The following MAGI2 variants were observed in gnomAD, a reference collection of about 807,000 sequenced individuals.
The protein encoded by MAGI2 is membrane-associated guanylate kinase, WW and PDZ domain-containing protein 2.
A neutral mutation model predicts 133.3 loss-of-function variants in MAGI2; 35 were observed. The ratio of observed to expected loss-of-function variants is 0.26; its 90% CI spans 0.20 to 0.35. The LOEUF is 0.35. Ranked by LOEUF, MAGI2 falls within the 10% of genes least tolerant of loss-of-function variation. The probability of loss-of-function intolerance (pLI) is 1.00; values close to 1 mark genes in which losing one functional copy is unlikely to be tolerated. For missense variants in MAGI2, 1,636 were observed against 1,863.4 expected (o/e 0.88, Z 2.25); for synonymous variants, 729 against 710.6 (o/e 1.03, Z -0.41).
chr7:78,900,790 T>C (rs1797565322), intron 2 of MAGI2, among the ~76,000 whole-genome samples: 1 of 152,134 alleles, frequency 6.6e-6, no homozygotes, highest in Non-Finnish European at 1.5e-5. Context: ...GAAACCTTAG[T>C]TCTTTTGCTT....
At chr7:79,438,757 A>T (rs1848309562) in intron 1 of MAGI2, among the ~76,000 whole-genome samples, 1 of 152,060 alleles carries the variant, frequency 6.6e-6, no homozygotes, top group Admixed American at 6.6e-5. Flanking sequence ...CCCAGTACTC[A>T]TGCCAAAACT....
intron 2 of MAGI2, among the ~76,000 whole-genome samples, chr7:78,823,580 CAAAAA>C (rs1166858938): frequency 1.1e-5 from 1 of 91,858 alleles, no homozygotes. Flanking sequence ...GACTCCGTCT[CAAAAA>C]AAAAAAAAAA....
In MAGI2 at chr7:78,489,659, G is replaced by A. The variant is rs548764653; in HGVS notation, c.1045+102C>T. ...CATTAAACATTACATCGTTAAAATT[G>A]TTTCAGCTAGATTATTGCCTCTTCA... On this transcript the variant is annotated intron_variant, in intron 6 of 21. Coordinates refer to ENST00000354212, the MANE Select transcript of MAGI2 (RefSeq NM_012301.4). 8 of 841,316 alleles carry A rather than the reference G, an allele frequency of 9.5e-6. No homozygotes were observed. In the African/African-American group the frequency reaches 1.4e-4, roughly 14 times the overall value. 52.1% of individuals were successfully genotyped at this position (841,316 alleles called of 1,614,324 possible).
At chr7:79,333,316 C>T (rs747614616) in intron 1 of MAGI2, among the ~76,000 whole-genome samples, 2 of 151,954 alleles carry the variant, frequency 1.3e-5, no homozygotes, top group African/African-American at 4.8e-5. Flanking sequence ...TTAGTACAGA[C>T]AGGGTTTCAC....
At chr7:78,447,698 T>G (rs1265364616) in intron 6 of MAGI2, among the ~76,000 whole-genome samples, 1 of 152,160 alleles carries the variant, frequency 6.6e-6, no homozygotes, top group Non-Finnish European at 1.5e-5. Flanking sequence ...GAGGAAGAAT[T>G]AGCCAAGGAC....
At chr7:78,187,495 C>CA (rs947884097) in intron 12 of MAGI2, among the ~76,000 whole-genome samples, 9 of 151,544 alleles carry the variant, frequency 5.9e-5, no homozygotes, top group Non-Finnish European at 7.4e-5. Context: ...CACATAATAC[C>CA]AAAAAAATGA....
chr7:79,330,376 T>C (rs1299148532), intron 1 of MAGI2, among the ~76,000 whole-genome samples: 2 of 151,616 alleles, frequency 1.3e-5, no homozygotes, highest in East Asian at 3.9e-4. Context: ...TTTGTATTTT[T>C]AGTAGAGACG....
rs142807871 is a variant in MAGI2, at chr7:78,587,734, G to A, written c.538+39386C>T. ...TTTCAACTGTAGAGAGCAAATACTCGGCCGTAGCACATAAAACCTTTCTCC... is the reference window on the plus strand; with the variant it reads ...TTTCAACTGTAGAGAGCAAATACTCAGCCGTAGCACATAAAACCTTTCTCC... On this transcript the variant is annotated intron_variant, in intron 3 of 21. Coordinates refer to ENST00000354212, the MANE Select transcript of MAGI2 (RefSeq NM_012301.4). Among the ~76,000 whole-genome samples, 672 of 152,174 alleles carry A rather than the reference G, an allele frequency of 4.4e-3. 5 individuals carry two copies. The highest frequency in any genetic ancestry group is 0.034 in the Middle Eastern group (10 of 294).
intron 2 of MAGI2, among the ~76,000 whole-genome samples, chr7:78,931,444 G>A (rs896027611): frequency 1.1e-4 from 16 of 152,054 alleles, no homozygotes; most frequent in Admixed American, 9.2e-4. Context: ...GGCCCTGCCC[G>A]CTTCCTTTTC....
chr7:79,043,488 A>G (rs1294740671), intron 1 of MAGI2, among the ~76,000 whole-genome samples: 3 of 139,188 alleles, frequency 2.2e-5, no homozygotes, highest in African/African-American at 8.2e-5. Flanking sequence ...GGTTGCAGTG[A>G]GCCAAGATCA....
At chr7:78,027,627 CAA>C (rs753787460) in intron 21 of MAGI2, among the ~76,000 whole-genome samples, 21 of 84,350 alleles carry the variant, frequency 2.5e-4, no homozygotes, top group Middle Eastern at 6.5e-3. Context: ...GACTCCATCT[CAA>C]AAAAAAAAAA....
In MAGI2 at chr7:78,194,944, C is replaced by G; in HGVS notation, c.2199G>C (p.Glu733Asp). 2 of 1,614,098 alleles carry G rather than the reference C, an allele frequency of 1.2e-6. No individual in the cohort carries two copies. The highest frequency in any genetic ancestry group is 1.7e-6 in the Non-Finnish European group (2 of 1,179,980). Residue 733 changes from glutamate to aspartate, a missense_variant, in exon 12 of 22, where the codon GAG becomes GAC. Around this residue, in one of 5 missense-constraint regions of MAGI2, gnomAD observed 920 missense variants for 1,093.5 expected, o/e 0.84. Coordinates refer to ENST00000354212, the MANE Select transcript of MAGI2 (RefSeq NM_012301.4). ...GATCAGGCTTCCGTGGGTCAAAGGC[C>G]TCTGTTGAGTCAGGAAAGGAGCTCC... ...LHRSSFPDST[E>D]AFDPRKPDPY...
intron 9 of MAGI2, among the ~76,000 whole-genome samples, chr7:78,304,975 T>A (rs967798037): frequency 4.6e-5 from 7 of 152,204 alleles, no homozygotes; most frequent in African/African-American, 1.7e-4. Context: ...CCTGCCATTA[T>A]ATTATAGATT....
At chr7:79,039,860 T>C (rs10226885) in intron 1 of MAGI2, among the ~76,000 whole-genome samples, 36,937 of 144,146 alleles carry the variant, frequency 0.26, 4,833 homozygotes, top group Middle Eastern at 0.37. Flanking sequence ...ATATATTATA[T>C]ATATATAATA....
chr7:78,975,321 G>T (rs1804152372), intron 2 of MAGI2, among the ~76,000 whole-genome samples: 1 of 151,732 alleles, frequency 6.6e-6, no homozygotes, highest in African/African-American at 2.4e-5. Flanking sequence ...CTCATGTAAA[G>T]TATGTTCTCA....
intron 3 of MAGI2, chr7:78,567,933 C>G (rs1286049623): frequency 6.6e-6 from 1 of 152,224 alleles, no homozygotes; most frequent in Non-Finnish European, 1.5e-5. Context: ...CATTACATTT[C>G]TCTTGTCCTA....
At chr7:79,249,625 A>G (rs1052071775) in intron 1 of MAGI2, among the ~76,000 whole-genome samples, 1 of 152,172 alleles carries the variant, frequency 6.6e-6, no homozygotes, top group African/African-American at 2.4e-5. Flanking sequence ...GAGCAGATCA[A>G]TAACAAGTAA....
chr7:78,318,730 G>C (rs895183779), intron 9 of MAGI2, among the ~76,000 whole-genome samples: 4 of 152,140 alleles, frequency 2.6e-5, no homozygotes, highest in Non-Finnish European at 5.9e-5. Flanking sequence ...GAAAGGTCAG[G>C]TTACCCACAA....
intron 3 of MAGI2, among the ~76,000 whole-genome samples, chr7:78,609,646 C>T (rs1806228450): frequency 6.6e-6 from 1 of 152,164 alleles, no homozygotes; most frequent in African/African-American, 2.4e-5. Context: ...CTTCTACTAC[C>T]CACCCAAACC....
Sources: allele counts gnomAD v4.1 joint callset (sites outside exome capture counted in the v4.1 genomes callset), GRCh38; gene constraint gnomAD v4.1.1; regional missense constraint gnomAD v4.1.1; transcripts MANE v1.5; gene names NCBI Gene and HGNC (gene_info 2026-07-23, HGNC 2026-07-21).